Variants in CC2D1A observed in about 807,000 individuals in gnomAD.
CC2D1A encodes the protein coiled-coil and C2 domain-containing protein 1A.
Under a neutral mutation model 123.8 loss-of-function variants are expected in CC2D1A, and 68 were observed. The ratio of observed to expected loss-of-function variants is 0.55; its 90% CI spans 0.45 to 0.67. The LOEUF is 0.67. Among genes scored for constraint, CC2D1A ranks in the 30% least tolerant of loss-of-function variants. CC2D1A has a pLI of 0.00. For synonymous variants in CC2D1A, 477 were observed against 528.0 expected (o/e 0.90, Z 1.32); for missense variants, 1,185 against 1,290.3 (o/e 0.92, Z 1.25).
At chr19:13,920,467 C>A in intron 12 of CC2D1A, 90 bp from the exon 13 acceptor site, 1 of 806,580 alleles carries the variant, frequency 1.2e-6, no homozygotes, top group Non-Finnish European at 2.1e-6. Context: ...ACTAAATGAC[C>A]ACTGTTGTCA....
rs942902724 is a variant in CC2D1A at position 13,906,736 on chromosome 19, G to A, written c.60+235G>A. Among the ~76,000 whole-genome samples the A allele has an allele frequency of 5.3e-5, 8 of 152,232 alleles. No individual in the cohort carries two copies. The highest frequency in any genetic ancestry group is 1.9e-4 in the African/African-American group (8 of 41,466). The stretch of plus-strand genomic sequence containing the variant: ...GCCACCTGTTGCCACAGCTGCTCCA[G>A]TCGAGGAGGGGCAGTCCTCGGACTT... On this transcript the variant is annotated intron_variant, in intron 1 of 28. Coordinates refer to ENST00000318003, the MANE Select transcript of CC2D1A (RefSeq NM_017721.5). This position sits in a 1 kb window ranked among gnomAD's most constrained non-coding sequence, Gnocchi z 4.1.
rs73925404 is a variant in CC2D1A at position 13,926,835 on chromosome 19, A to G, written c.2088A>G (p.Lys696=). ...FPYPNVEEAQ[K]DKTSVIKNTD... ...TCTGGTCATAGGAAGAAGCTCAGAA[A>G]GACAAGACCAGTGTGATCAAGAACA... Residue 696 remains lysine, a synonymous_variant, in exon 20 of 29, where the codon AAA becomes AAG. Transcript: ENST00000318003. 737 of 1,614,064 alleles carry G rather than the reference A, an allele frequency of 4.6e-4. 2 individuals carry two copies. In the African/African-American group the frequency reaches 8.6e-3, roughly 19 times the overall value.
At chr19:13,918,425 T>C in intron 7 of CC2D1A, 79 bp from the exon 8 acceptor site, 1 of 1,390,624 alleles carries the variant, frequency 7.2e-7, no homozygotes, top group Non-Finnish European at 9.8e-7. Flanking sequence ...CTCGGTGGCA[T>C]GGAAGGGCCC....
intron 24 of CC2D1A, 46 bp downstream of exon 24, chr19:13,928,234 C>A: frequency 1.3e-6 from 2 of 1,530,822 alleles, no homozygotes; most frequent in Middle Eastern, 1.7e-4. Flanking sequence ...CCCAATTCCC[C>A]TCTCAGCCCC....
rs368933699 is a variant in CC2D1A at position 13,909,910 on chromosome 19, G to T, written c.148G>T (p.Ala50Ser). 122 of 1,549,742 alleles carry T rather than the reference G, an allele frequency of 7.9e-5. No homozygotes were observed. The highest frequency in any genetic ancestry group is 5.2e-4 in the Middle Eastern group (3 of 5,768). The change falls in exon 2 of 29, where the codon GCT becomes TCT. Residue 50 changes from alanine (A) to serine (S), a missense_variant. Physicochemically the swap from Ala to Ser is moderately conservative, Grantham distance 99. Coordinates refer to ENST00000318003, the MANE Select transcript of CC2D1A (RefSeq NM_017721.5). ...NDEELEAEFL[A>S]LVGGQPPALE... ...TGAAGAACTGGAGGCTGAGTTCTTG[G>T]CTTTGGTCGGGGGCCAGCCCCCAGC...
chr19:13,913,597 C>T lies in CC2D1A; in HGVS notation c.707C>T (p.Pro236Leu). The T allele has an allele frequency of 6.2e-7, 1 of 1,613,078 alleles. No homozygotes were observed. Among genetic ancestry groups the T allele is most frequent in the Non-Finnish European group, 8.5e-7 (1 of 1,179,424 alleles). ...VTLEGPSATA[P>L]ASSPGLAKPQ... ...CTGGAGGGACCTTCTGCCACCGCCC[C>T]AGCCTCATCTCCAGGCTTGGCTAAG... is the stretch of plus-strand genomic sequence containing the variant. The change falls in exon 6 of 29, where the codon CCA (proline) becomes CTA (leucine). Residue 236 changes from proline to leucine, a missense_variant. Coordinates refer to ENST00000318003, the MANE Select transcript of CC2D1A (RefSeq NM_017721.5).
intron 4 of CC2D1A, among the ~76,000 whole-genome samples, chr19:13,912,950 C>G (rs1971055359): frequency 6.6e-6 from 1 of 152,202 alleles, no homozygotes; most frequent in African/African-American, 2.4e-5. Context: ...CTGGCCCACC[C>G]TTATCCTTCA....
At chr19:13,922,253 C>T (rs1306464861) in intron 14 of CC2D1A, among the ~76,000 whole-genome samples, 3 of 152,152 alleles carry the variant, frequency 2.0e-5, no homozygotes, top group African/African-American at 7.2e-5. Context: ...CCACCTGCCT[C>T]GACCTCCCAA....
chr19:13,909,384 AC>A (rs1480996917), intron 1 of CC2D1A, among the ~76,000 whole-genome samples: 7 of 151,920 alleles, frequency 4.6e-5, no homozygotes, highest in African/African-American at 1.7e-4. Flanking sequence ...TCAAAAAAAA[AC>A]AAAAAACAAA....
At position 13,918,582 on chromosome 19, in the gene CC2D1A, A is replaced by G. The variant is rs1555733804; in HGVS notation, c.946+6A>G. The stretch of plus-strand genomic sequence containing the variant: ...CTGCCTGCCCCCTCCACCCGGTGAG[A>G]ACCCTGCCATGCCCACTCTCTGGGA... On this transcript the variant is annotated splice_donor_region_variant and intron_variant, in intron 8 of 28. Coordinates refer to ENST00000318003, the MANE Select transcript of CC2D1A (RefSeq NM_017721.5). 6.2e-7 allele frequency: 1 copy of G among 1,612,894 alleles called. No homozygotes were observed. Among genetic ancestry groups the G allele is most frequent in the Non-Finnish European group, 8.5e-7 (1 of 1,179,694 alleles).
In CC2D1A at chr19:13,918,746, A is replaced by G; in HGVS notation, c.947A>G (p.Asp316Gly). The part of the protein sequence containing the change: ...VDLSCLPPPP[D>G]QLPPDPPSPP... Reference sequence around the variant, plus strand: ...TTGGCCTGGACCTCTCTGTCCCCAGACCAGCTGCCCCCAGACCCACCGTCA... The same window carrying G: ...TTGGCCTGGACCTCTCTGTCCCCAGGCCAGCTGCCCCCAGACCCACCGTCA... Residue 316 changes from aspartate to glycine, a missense_variant and splice_region_variant, in exon 9 of 29, where the codon GAC becomes GGC. Asp to Gly is a moderately conservative substitution (Grantham distance 94). Transcript: ENST00000318003. 1 of 1,610,292 alleles carries G rather than the reference A, an allele frequency of 6.2e-7. No individual in the cohort carries two copies. Among genetic ancestry groups the G allele is most frequent in the Non-Finnish European group, 8.5e-7 (1 of 1,178,158 alleles).
At chr19:13,908,913 C>T (rs1434752606) in intron 1 of CC2D1A, among the ~76,000 whole-genome samples, 1 of 151,876 alleles carries the variant, frequency 6.6e-6, no homozygotes, top group Non-Finnish European at 1.5e-5. Context: ...CTCTCTCCCT[C>T]CCCGGCTCCA....
chr19:13,922,433 A>C (rs1971441430), intron 14 of CC2D1A, among the ~76,000 whole-genome samples: 1 of 152,044 alleles, frequency 6.6e-6, no homozygotes, highest in Non-Finnish European at 1.5e-5. Context: ...TTTCCCACAG[A>C]CACCTGTGTG....
chr19:13,921,650 CCAAA>C (rs780423498), intron 14 of CC2D1A, among the ~76,000 whole-genome samples: 25 of 151,872 alleles, frequency 1.6e-4, no homozygotes, highest in Non-Finnish European at 2.9e-4. Context: ...TCCCATTGGC[CCAAA>C]CAGTCACATG....
chr19:13,926,030 A>ATATATATATATACACGTATATATATGTG (rs1568418937), intron 17 of CC2D1A, among the ~76,000 whole-genome samples: 4 of 87,644 alleles, frequency 4.6e-5, no homozygotes, highest in South Asian at 3.7e-4. Flanking sequence ...ATATATGTGT[A>ATATATATATATACACGTATATATATGTG]TATATATATA....
chr19:13,919,337 C>T, intron 11 of CC2D1A, 135 bp downstream of exon 11: 1 of 661,666 alleles, frequency 1.5e-6, no homozygotes, highest in Non-Finnish European at 2.6e-6. Context: ...GATGCTATTA[C>T]TCCCCATAGC....
In CC2D1A at chr19:13,918,892, T is replaced by C. The variant is rs928862667; in HGVS notation, c.1019-20T>C. 4.4e-6 allele frequency: 7 copies of C among 1,606,852 alleles called. No individual in the cohort carries two copies. The highest frequency in any genetic ancestry group is 5.1e-6 in the Non-Finnish European group (6 of 1,175,724). On this transcript the variant is annotated intron_variant, in intron 9 of 28. Transcript: ENST00000318003. The stretch of plus-strand genomic sequence containing the variant: ...CTACCCATCCGTTGACTCTTAACCT[T>C]GTCCCCCTGTCCGGCCCAGAGGTGC...
intron 1 of CC2D1A, 80 bp from the exon 2 acceptor site, chr19:13,909,743 A>G (rs1970926305): frequency 6.3e-7 from 1 of 1,578,352 alleles, no homozygotes; most frequent in Non-Finnish European, 8.7e-7. Context: ...CTTCCTCCCA[A>G]GGGGACTCTC....
chr19:13,906,260 C>G lies in CC2D1A; in HGVS notation c.-182C>G, dbSNP rs1356527436. The G allele has an allele frequency of 1.7e-5, 8 of 472,374 alleles. No homozygotes were observed. The highest frequency in any genetic ancestry group is 1.6e-4 in the African/African-American group (8 of 49,224). 29.3% of individuals were successfully genotyped at this position (472,374 alleles called of 1,614,324 possible). A position where few individuals can be genotyped will look rare whatever the true frequency, so the allele number is the denominator to read the frequency against. Reference sequence around the variant, plus strand: ...GGCCGCGCTCCGGTGCGGCGGCGCCCGAGGCCCGAGGCGGAAGTGGGACGG... The same window carrying G: ...GGCCGCGCTCCGGTGCGGCGGCGCCGGAGGCCCGAGGCGGAAGTGGGACGG... On this transcript the variant is annotated 5_prime_UTR_variant, in exon 1 of 29. Transcript: ENST00000318003. The surrounding 1 kb of genome is among the most constrained non-coding windows in gnomAD (Gnocchi z 4.1).
Sources: allele counts gnomAD v4.1 joint callset (sites outside exome capture counted in the v4.1 genomes callset), GRCh38; gene constraint gnomAD v4.1.1; non-coding constraint Gnocchi (gnomAD v3.1); transcripts MANE v1.5; gene names NCBI Gene and HGNC (gene_info 2026-07-23, HGNC 2026-07-21).